Variants in UVRAG observed in about 807,000 individuals in gnomAD.
The protein encoded by UVRAG is UV radiation resistance-associated gene protein.
UVRAG carries 19 observed loss-of-function variants against 78.0 expected under a neutral mutation model. The observed-to-expected ratio is 0.24, with a 90% CI of 0.17 to 0.36. The LOEUF (loss-of-function observed/expected upper bound fraction) is 0.36, where lower values mean the gene tolerates loss of function less well. UVRAG is among the 10% of genes least tolerant of loss of function. UVRAG has a pLI of 1.00. For synonymous variants in UVRAG, 323 were observed against 324.6 expected, an observed-to-expected ratio of 1.00 and a Z score of 0.05; for missense variants, 740 against 853.8, an observed-to-expected ratio of 0.87 and a Z score of 1.66.
chr11:75,928,939 C>CAAAAAAAAAAAAAAAAAAAAA (rs368913080), intron 6 of UVRAG, among the ~76,000 whole-genome samples: 1 of 67,490 alleles, frequency 1.5e-5, no homozygotes, highest in African/African-American at 7.8e-5. Flanking sequence ...GAGACTGTCT[C>CAAAAAAAAAAAAAAAAAAAAA]AAAAAAAAAA....
intron 12 of UVRAG, among the ~76,000 whole-genome samples, chr11:76,017,979 G>A (rs1390480590): frequency 2.0e-5 from 3 of 152,076 alleles, no homozygotes; most frequent in Non-Finnish European, 4.4e-5. Context: ...AAAGGATAAA[G>A]ATGTATTTCT....
At chr11:76,123,938 G>C (rs1421344684) in intron 14 of UVRAG, among the ~76,000 whole-genome samples, 3 of 151,582 alleles carry the variant, frequency 2.0e-5, no homozygotes, top group Non-Finnish European at 4.4e-5. Context: ...GCTAATTTTT[G>C]TATTTTTAGT....
At chr11:76,017,768 C>T (rs1486128534) in intron 12 of UVRAG, among the ~76,000 whole-genome samples, 1 of 152,104 alleles carries the variant, frequency 6.6e-6, no homozygotes, top group Non-Finnish European at 1.5e-5. Context: ...GAACTGTCCA[C>T]TTAGAATTCT....
chr11:75,983,196 T>C (rs1022111255), intron 7 of UVRAG, among the ~76,000 whole-genome samples, 191 bp from the exon 8 acceptor site: 3 of 152,222 alleles, frequency 2.0e-5, no homozygotes, highest in African/African-American at 7.2e-5. Flanking sequence ...TTTACTCTTA[T>C]TCTTTGCTTA....
At chr11:75,872,983 T>G (rs1271299421) in intron 3 of UVRAG, among the ~76,000 whole-genome samples, 1 of 152,172 alleles carries the variant, frequency 6.6e-6, no homozygotes, top group Non-Finnish European at 1.5e-5. Context: ...GCTCACGTTC[T>G]GGAGGGGAAG....
chr11:76,004,780 A>G (rs1949895673), intron 9 of UVRAG, among the ~76,000 whole-genome samples: 1 of 151,878 alleles, frequency 6.6e-6, no homozygotes, highest in Admixed American at 6.6e-5. Context: ...GTGAGCCATC[A>G]TGCCTGGCAT....
At chr11:75,858,592 A>G (rs1051440872) in intron 2 of UVRAG, among the ~76,000 whole-genome samples, 2 of 152,198 alleles carry the variant, frequency 1.3e-5, no homozygotes, top group African/African-American at 2.4e-5. Context: ...ATTGTTTTGT[A>G]TGAGTGACAG....
At position 76,116,054 on chromosome 11, in the gene UVRAG, T is replaced by C. The variant is rs888033317; in HGVS notation, c.1397+39T>C. ...TCTCTGATAACCAGAAACTGTAATG[T>C]GGATAGGATCCTGAAAATCTTTTCT... On this transcript the variant is annotated intron_variant, in intron 14 of 14. Coordinates refer to ENST00000356136, the MANE Select transcript of UVRAG (RefSeq NM_003369.4). The C allele has an allele frequency of 7.6e-6, 12 of 1,581,908 alleles. No homozygotes were observed. In the Admixed American group the frequency reaches 1.8e-4, roughly 24 times the overall value.
intron 14 of UVRAG, among the ~76,000 whole-genome samples, chr11:76,121,159 T>C (rs1952266940): frequency 6.6e-6 from 1 of 152,232 alleles, no homozygotes; most frequent in Non-Finnish European, 1.5e-5. Flanking sequence ...GTAATTCTTT[T>C]TCTTGCACAG....
rs142351320 is a variant in UVRAG, at chr11:75,846,980, C to T, written c.118-4903C>T. Among the ~76,000 whole-genome samples the T allele has an allele frequency of 3.2e-3, 490 of 152,202 alleles. 1 individual carries two copies. The highest frequency in any genetic ancestry group is 0.014 in the Middle Eastern group (4 of 294). Reference sequence around the variant, plus strand: ...CTGTGATTACAGGTGTGTGCCACCACGCCCGGCTAATTTTTTGTATTTTTA... The same window carrying T: ...CTGTGATTACAGGTGTGTGCCACCATGCCCGGCTAATTTTTTGTATTTTTA... On this transcript the variant is annotated intron_variant, in intron 1 of 14. Coordinates refer to ENST00000356136, the MANE Select transcript of UVRAG (RefSeq NM_003369.4).
intron 13 of UVRAG, among the ~76,000 whole-genome samples, chr11:76,101,491 A>G (rs778539616): frequency 2.0e-5 from 3 of 151,880 alleles, no homozygotes; most frequent in Non-Finnish European, 2.9e-5. Context: ...TCCTTATCAG[A>G]TGCATACTTT....
chr11:76,103,421 T>C lies in UVRAG; in HGVS notation c.1306-12503T>C, dbSNP rs574516096. ...AATCACACCTTTCACGTATATTTAT[T>C]ACATATCTAATGAATTCATTACTTT... On this transcript the variant is annotated intron_variant, in intron 13 of 14. Coordinates refer to ENST00000356136, the MANE Select transcript of UVRAG (RefSeq NM_003369.4). Among the ~76,000 whole-genome samples the C allele has an allele frequency of 3.3e-5, 5 of 152,286 alleles. No homozygotes were observed. The East Asian group carries it at 9.6e-4, about 29-fold the overall frequency.
At chr11:76,136,945 A>G (rs1243122762) in intron 14 of UVRAG, among the ~76,000 whole-genome samples, 1 of 152,206 alleles carries the variant, frequency 6.6e-6, no homozygotes, top group Non-Finnish European at 1.5e-5. Flanking sequence ...GTTTTCCTGT[A>G]AAACTATTGT....
intron 13 of UVRAG, among the ~76,000 whole-genome samples, chr11:76,112,121 A>C (rs549467616): frequency 2.6e-5 from 4 of 152,234 alleles, no homozygotes; most frequent in East Asian, 1.9e-4. Flanking sequence ...TGAATGAAAG[A>C]CCGAAATGAA....
intron 6 of UVRAG, among the ~76,000 whole-genome samples, chr11:75,954,618 TG>T (rs1421984273): frequency 6.6e-6 from 1 of 152,362 alleles, no homozygotes; most frequent in East Asian, 1.9e-4. Flanking sequence ...TGTCAAATTT[TG>T]GGACTGTGCT....
chr11:76,098,201 C>T (rs1591235515), intron 13 of UVRAG, among the ~76,000 whole-genome samples: 1 of 152,016 alleles, frequency 6.6e-6, no homozygotes, highest in Non-Finnish European at 1.5e-5. Flanking sequence ...TAAGGTATAG[C>T]ATTAATGGTT....
Position 76,143,723 on chromosome 11 carries a change from C to T in UVRAG, c.*2310C>T, listed in dbSNP as rs1396966120. On this transcript the variant is annotated 3_prime_UTR_variant, in exon 15 of 15. Coordinates refer to ENST00000356136, the MANE Select transcript of UVRAG (RefSeq NM_003369.4). Reference sequence around the variant, plus strand: ...CCCGTCTCCTGGAATAACTGTTTGACGTTTTCCAAAGTTGTAGAGTTAGTA... The same window carrying T: ...CCCGTCTCCTGGAATAACTGTTTGATGTTTTCCAAAGTTGTAGAGTTAGTA... Among the ~76,000 whole-genome samples the T allele has an allele frequency of 2.0e-5, 3 of 152,238 alleles. No individual in the cohort carries two copies. The highest frequency in any genetic ancestry group is 1.9e-4 in the East Asian group (1 of 5,206).
chr11:76,042,018 C>T (rs140843456), intron 12 of UVRAG, among the ~76,000 whole-genome samples: 49 of 152,124 alleles, frequency 3.2e-4, no homozygotes, highest in African/African-American at 1.1e-3. Context: ...AACAATTTGT[C>T]AGAATCTAGT....
chr11:75,829,130 G>T (rs560242695), intron 1 of UVRAG, among the ~76,000 whole-genome samples: 4 of 151,950 alleles, frequency 2.6e-5, no homozygotes, highest in African/African-American at 7.3e-5. Flanking sequence ...GAAGCATAGC[G>T]GCTATTCACA....
Sources: allele counts gnomAD v4.1 joint callset (sites outside exome capture counted in the v4.1 genomes callset), GRCh38; gene constraint gnomAD v4.1.1; transcripts MANE v1.5; gene names NCBI Gene and HGNC (gene_info 2026-07-23, HGNC 2026-07-21).